PPARGC1A: variants seen among roughly 807,000 people sequenced by gnomAD.
PPARGC1A encodes peroxisome proliferator-activated receptor gamma coactivator 1-alpha.
Under a neutral mutation model 88.7 loss-of-function variants are expected in PPARGC1A, and 25 were observed. That is an observed-to-expected ratio of 0.28 (90% CI 0.21 to 0.39). The LOEUF (loss-of-function observed/expected upper bound fraction) is 0.39, where lower values mean the gene tolerates loss of function less well. Ranked by LOEUF, PPARGC1A falls within the 10% of genes least tolerant of loss-of-function variation. The probability of loss-of-function intolerance (pLI) is 1.00; values close to 1 mark genes in which losing one functional copy is unlikely to be tolerated. For missense variants in PPARGC1A, 880 were observed against 968.7 expected, an observed-to-expected ratio of 0.91 and a Z score of 1.22; for synonymous variants, 363 against 355.6, an observed-to-expected ratio of 1.02 and a Z score of -0.24.
At chr4:24,272,062 C>T in the PPARGC1A span, among the ~76,000 whole-genome samples, 368 of 152,194 alleles carry the variant, frequency 2.4e-3, no homozygotes, top group African/African-American at 8.2e-3. Flanking sequence ...TTCTTCAAAA[C>T]GCATTGGGTT....
At chr4:24,226,305 C>T in the PPARGC1A span, among the ~76,000 whole-genome samples, 4 of 152,300 alleles carry the variant, frequency 2.6e-5, no homozygotes, top group East Asian at 5.8e-4. Flanking sequence ...CATACACTGC[C>T]GACCCAGCCT....
At chr4:24,226,847 T>C in the PPARGC1A span, among the ~76,000 whole-genome samples, 3 of 152,158 alleles carry the variant, frequency 2.0e-5, no homozygotes, top group East Asian at 1.9e-4. Context: ...GTGATGTTTA[T>C]AGATAGTGAA....
the PPARGC1A span, among the ~76,000 whole-genome samples, chr4:23,990,858 G>A: frequency 2.0e-5 from 3 of 152,058 alleles, no homozygotes; most frequent in South Asian, 2.1e-4. Context: ...ACCACGTCGA[G>A]TAGGAGAGAG....
the PPARGC1A span, among the ~76,000 whole-genome samples, chr4:24,356,002 G>A: frequency 1.3e-5 from 2 of 152,014 alleles, no homozygotes; most frequent in Non-Finnish European, 2.9e-5. Context: ...TTCAAGACCA[G>A]CCTGGCCAAC....
At chr4:24,007,229 T>C in the PPARGC1A span, among the ~76,000 whole-genome samples, 1 of 152,212 alleles carries the variant, frequency 6.6e-6, no homozygotes, top group Non-Finnish European at 1.5e-5. Context: ...TCTCTCTCTT[T>C]CCTTTTCTTG....
the PPARGC1A span, among the ~76,000 whole-genome samples, chr4:24,278,893 T>G: frequency 5.3e-5 from 8 of 151,984 alleles, no homozygotes; most frequent in East Asian, 1.6e-3. Context: ...ACATCAACAC[T>G]CTCCCCTAGG....
chr4:24,201,988 G>A, the PPARGC1A span, among the ~76,000 whole-genome samples: 8 of 150,976 alleles, frequency 5.3e-5, no homozygotes, highest in South Asian at 2.1e-4. Flanking sequence ...TGCAACCTCC[G>A]CCTCCCAGGT....
the PPARGC1A span, among the ~76,000 whole-genome samples, chr4:24,452,037 G>A: frequency 6.6e-6 from 1 of 152,196 alleles, no homozygotes; most frequent in Non-Finnish European, 1.5e-5. Flanking sequence ...GTGTGGGTGG[G>A]CCTCATCTAA....
chr4:23,849,371 A>G (rs1728869620), intron 2 of PPARGC1A, among the ~76,000 whole-genome samples: 1 of 152,232 alleles, frequency 6.6e-6, no homozygotes, highest in South Asian at 2.1e-4. Flanking sequence ...GTTACCTAAG[A>G]TGAGCCATAT....
chr4:23,933,065 C>G, the PPARGC1A span, among the ~76,000 whole-genome samples: 104,526 of 152,058 alleles, frequency 0.69, 36,708 homozygotes, highest in South Asian at 0.77. Context: ...GGAAGGAATT[C>G]GGGCCAGCCA....
At chr4:24,085,338 A>G in the PPARGC1A span, among the ~76,000 whole-genome samples, 1 of 152,224 alleles carries the variant, frequency 6.6e-6, no homozygotes, top group African/African-American at 2.4e-5. Context: ...CTTTACAGTA[A>G]TAAAAGTTAT....
chr4:23,956,507 C>A, the PPARGC1A span, among the ~76,000 whole-genome samples: 2 of 152,000 alleles, frequency 1.3e-5, no homozygotes, highest in South Asian at 2.1e-4. Context: ...AGCCTTAGAG[C>A]CCCCTCCTCC....
At chr4:23,885,836 C>T (rs1299465966) in intron 1 of PPARGC1A, among the ~76,000 whole-genome samples, 1 of 152,154 alleles carries the variant, frequency 6.6e-6, no homozygotes, top group Non-Finnish European at 1.5e-5. Context: ...ATAATTTCTA[C>T]ATATTGAGAG....
At chr4:24,302,680 G>A in the PPARGC1A span, among the ~76,000 whole-genome samples, 3 of 152,322 alleles carry the variant, frequency 2.0e-5, no homozygotes, top group South Asian at 2.1e-4. Flanking sequence ...AGGGCATTCC[G>A]TAATCAAGTC....
At chr4:23,822,558 C>G (rs368665799) in intron 7 of PPARGC1A, among the ~76,000 whole-genome samples, 1 of 152,056 alleles carries the variant, frequency 6.6e-6, no homozygotes, top group Non-Finnish European at 1.5e-5. Flanking sequence ...AACTCTTTTT[C>G]TCCCTTTGTG....
chr4:23,860,896 C>G (rs753283862), intron 2 of PPARGC1A, among the ~76,000 whole-genome samples: 2 of 152,128 alleles, frequency 1.3e-5, no homozygotes, highest in Non-Finnish European at 2.9e-5. Context: ...ACCTTCTGAC[C>G]ATTCTTATAA....
At chr4:23,904,187 C>G (rs927856285), upstream of PPARGC1A, 29 of 284,968 alleles carry the variant, frequency 1.0e-4, no homozygotes, top group African/African-American at 6.4e-4. Context: ...CAATAGGGCA[C>G]AAATCTGAAA....
chr4:24,274,731 C>G, the PPARGC1A span, among the ~76,000 whole-genome samples: 2 of 152,264 alleles, frequency 1.3e-5, no homozygotes, highest in African/African-American at 4.8e-5. Context: ...ATGAAAGAGA[C>G]CACCAAAAAG....
At chr4:24,401,992 G>A in the PPARGC1A span, among the ~76,000 whole-genome samples, 7 of 152,326 alleles carry the variant, frequency 4.6e-5, no homozygotes, top group East Asian at 1.2e-3. Flanking sequence ...TTGACATAAA[G>A]AGGGAAATGG....
Sources: allele counts gnomAD v4.1 joint callset (sites outside exome capture counted in the v4.1 genomes callset), GRCh38; gene constraint gnomAD v4.1.1; transcripts MANE v1.5; gene names NCBI Gene and HGNC (gene_info 2026-07-23, HGNC 2026-07-21).